The following AAGAB variants were observed in gnomAD, a reference collection of about 807,000 sequenced individuals.
AAGAB encodes the protein alpha and gamma adaptin binding protein, also known as alpha- and gamma-adaptin-binding protein p34.
In AAGAB, 38 loss-of-function variants were observed where a neutral mutation model predicts 44.1. The observed-to-expected ratio is 0.86, with a 90% CI of 0.67 to 1.13. AAGAB has a LOEUF of 1.13. AAGAB is among the 50% of genes most tolerant of loss of function. The probability of loss-of-function intolerance (pLI) is 0.00; values close to 1 mark genes in which losing one functional copy is unlikely to be tolerated. For synonymous variants in AAGAB, 131 were observed against 131.8 expected (o/e 0.99, Z 0.04); for missense variants, 450 against 373.8 (o/e 1.20, Z -1.68).
intron 5 of AAGAB, among the ~76,000 whole-genome samples, chr15:67,217,068 A>G (rs527650427): frequency 7.3e-5 from 11 of 151,334 alleles, no homozygotes; most frequent in African/African-American, 2.4e-4. Context: ...ACATACACCC[A>G]CACACACAGA....
chr15:67,222,238 GCGCGCACACACACACACACACA>G (rs1313877066), intron 5 of AAGAB, among the ~76,000 whole-genome samples: 6 of 45,836 alleles, frequency 1.3e-4, no homozygotes, highest in Non-Finnish European at 2.2e-4. Flanking sequence ...GCACGCGCGC[GCGCGCACACACACACACACACA>G]CACACACACA....
At chr15:67,222,235 C>CGCGCGT (rs1555417846) in intron 5 of AAGAB, among the ~76,000 whole-genome samples, 5 of 63,134 alleles carry the variant, frequency 7.9e-5, no homozygotes, top group African/African-American at 2.9e-4. Context: ...CGCGCACGCG[C>CGCGCGT]GCGCGCGCAC....
intron 5 of AAGAB, among the ~76,000 whole-genome samples, chr15:67,223,478 A>G (rs1342707021): frequency 6.6e-6 from 1 of 152,104 alleles, no homozygotes; most frequent in African/African-American, 2.4e-5. Flanking sequence ...CTCATATCTC[A>G]TATCTAAACT....
chr15:67,236,585 T>A, intron 2 of AAGAB, 45 bp downstream of exon 2: 1 of 1,602,240 alleles, frequency 6.2e-7, no homozygotes, highest in South Asian at 1.1e-5. Context: ...AAAGAAGGCA[T>A]GCAATAATTT....
rs748533201 is a variant in AAGAB, at chr15:67,203,576, T to A, written c.842A>T (p.His281Leu). The A allele has an allele frequency of 6.2e-7, 1 of 1,613,778 alleles. No individual in the cohort carries two copies. The highest frequency in any genetic ancestry group is 1.7e-5 in the Admixed American group (1 of 60,020). ...TTCTGCATGCACTTTTCTTTGCTCA[T>A]GAGGAAGCGTCGCAGCCTTGTCTAG... is the stretch of plus-strand genomic sequence containing the variant. The part of the protein sequence containing the change: ...EMKDKAATLP[H>L]EQRKVHAEKV... The change falls in exon 9 of 10, where the codon CAT (histidine) becomes CTT (leucine). Residue 281 changes from histidine (H) to leucine (L), a missense_variant. By Grantham distance (99) the His-to-Leu change is moderately conservative. Coordinates refer to ENST00000261880, the MANE Select transcript of AAGAB (RefSeq NM_024666.5).
chr15:67,210,976 C>T (rs997048965), intron 5 of AAGAB, among the ~76,000 whole-genome samples: 20 of 152,346 alleles, frequency 1.3e-4, no homozygotes, highest in Admixed American at 2.6e-4. Flanking sequence ...ATCTCTCTTT[C>T]TCTAAACTAC....
At position 67,201,667 on chromosome 15, in the gene AAGAB, A is replaced by C. The variant is rs553976427; in HGVS notation, c.*1154T>G. On this transcript the variant is annotated 3_prime_UTR_variant, in exon 10 of 10. Coordinates refer to ENST00000261880, the MANE Select transcript of AAGAB (RefSeq NM_024666.5). ...GTGAGGGCTAATGATATGCATTACAAAGTCTACAAAAACAAATAAGGATTT... is the reference window on the plus strand; with the variant it reads ...GTGAGGGCTAATGATATGCATTACACAGTCTACAAAAACAAATAAGGATTT... 2.6e-5 allele frequency: 4 copies of C among 152,428 alleles called. No homozygotes were observed. In the South Asian group the frequency reaches 8.3e-4, roughly 32 times the overall value. The allele number at this position is 152,428 out of a possible 1,614,324, so 9.4% of individuals were successfully genotyped here.
At chr15:67,240,849 C>T (rs1361547784) in intron 1 of AAGAB, among the ~76,000 whole-genome samples, 2 of 152,128 alleles carry the variant, frequency 1.3e-5, no homozygotes, top group Admixed American at 6.5e-5. Context: ...TTCTACTGTT[C>T]CCTGCATATC....
At chr15:67,224,679 A>T (rs1964162908) in intron 5 of AAGAB, among the ~76,000 whole-genome samples, 1 of 149,130 alleles carries the variant, frequency 6.7e-6, no homozygotes, top group Admixed American at 6.8e-5. Context: ...CTTCTGAATT[A>T]AAGTGATTCT....
chr15:67,247,035 C>T (rs1429121086), intron 1 of AAGAB, among the ~76,000 whole-genome samples: 5 of 152,144 alleles, frequency 3.3e-5, no homozygotes, highest in African/African-American at 9.7e-5. Flanking sequence ...TAACACTCAC[C>T]GTGAGGGTCT....
At chr15:67,228,662 G>C (rs1452678911) in intron 5 of AAGAB, among the ~76,000 whole-genome samples, 2 of 152,070 alleles carry the variant, frequency 1.3e-5, no homozygotes, top group Admixed American at 6.6e-5. Context: ...CCACCAAAAA[G>C]ACACATGAAT....
chr15:67,213,640 G>A (rs1963875276), intron 5 of AAGAB, among the ~76,000 whole-genome samples: 1 of 152,106 alleles, frequency 6.6e-6, no homozygotes, highest in Non-Finnish European at 1.5e-5. Context: ...TGGAAATAAG[G>A]CATGGATATG....
chr15:67,241,960 T>C (rs1391341422), intron 1 of AAGAB, among the ~76,000 whole-genome samples: 2 of 152,002 alleles, frequency 1.3e-5, no homozygotes. Context: ...AGGCATATGC[T>C]GAGACAGAAG....
At chr15:67,210,751 T>C (rs1963799192) in intron 5 of AAGAB, among the ~76,000 whole-genome samples, 1 of 152,180 alleles carries the variant, frequency 6.6e-6, no homozygotes, top group Non-Finnish European at 1.5e-5. Flanking sequence ...ATTCACTGAG[T>C]CAGCATCTTT....
intron 1 of AAGAB, among the ~76,000 whole-genome samples, chr15:67,251,987 C>CT (rs1346685424): frequency 1.3e-5 from 2 of 152,160 alleles, no homozygotes; most frequent in Admixed American, 1.3e-4. Flanking sequence ...AGCTGTTCTT[C>CT]TTTTATTTTT....
intron 1 of AAGAB, among the ~76,000 whole-genome samples, chr15:67,238,510 C>T (rs1369397530): frequency 1.3e-5 from 2 of 152,220 alleles, no homozygotes; most frequent in Non-Finnish European, 2.9e-5. Context: ...CTCCAAACTT[C>T]AAGAAGGTGG....
chr15:67,206,068 T>A (rs1024154820), intron 7 of AAGAB, among the ~76,000 whole-genome samples: 1 of 152,212 alleles, frequency 6.6e-6, no homozygotes, highest in Non-Finnish European at 1.5e-5. Context: ...ATATCCTTTT[T>A]CTGTTCCAAG....
At position 67,250,119 on chromosome 15, in the gene AAGAB, T is replaced by TA. The variant is rs937181599; in HGVS notation, c.73+4439dup. ...GGAAGTAGAGTAAGATGTTAAAACT[T>TA]ACATATCTTCATTTTAATATTTTCA... On this transcript the variant is annotated intron_variant, in intron 1 of 9. Transcript: ENST00000261880. Among the ~76,000 whole-genome samples the TA allele has an allele frequency of 2.6e-4, 40 of 152,300 alleles. 1 individual carries two copies. Among genetic ancestry groups the TA allele is most frequent in the African/African-American group, 9.1e-4 (38 of 41,560 alleles).
upstream of AAGAB, chr15:67,255,148 C>G (rs1596033178): frequency 4.9e-6 from 3 of 611,386 alleles, no homozygotes; most frequent in Admixed American, 8.5e-5. Flanking sequence ...CTGTAGGTTA[C>G]GCCCCAGAAG....
Sources: gnomAD v4.1 joint callset for allele counts (sites outside exome capture counted in the v4.1 genomes callset) on GRCh38, gnomAD v4.1.1 for gene constraint, MANE v1.5 for transcripts, NCBI Gene and HGNC (gene_info 2026-07-23, HGNC 2026-07-21) for gene names.